PTPRT: variants seen among roughly 807,000 people sequenced by gnomAD.
PTPRT encodes the protein protein tyrosine phosphatase receptor type T.
PTPRT carries 56 observed loss-of-function variants against 176.8 expected under a neutral mutation model. The ratio of observed to expected loss-of-function variants is 0.32; its 90% CI spans 0.26 to 0.40. The LOEUF (loss-of-function observed/expected upper bound fraction) is 0.40, where lower values mean the gene tolerates loss of function less well. PTPRT is among the 10% of genes least tolerant of loss of function. The pLI, the probability that PTPRT is intolerant of heterozygous loss-of-function variation, is 1.00. For synonymous variants in PTPRT, 783 were observed against 739.0 expected, an observed-to-expected ratio of 1.06 and a Z score of -0.96; for missense variants, 1,540 against 1,908.2, an observed-to-expected ratio of 0.81 and a Z score of 3.60.
chr20:43,030,978 G>A (rs1422170187), intron 1 of PTPRT, among the ~76,000 whole-genome samples: 3 of 152,200 alleles, frequency 2.0e-5, no homozygotes, highest in African/African-American at 7.2e-5. Flanking sequence ...AGGAGTGAAG[G>A]ATGCAGGATG....
intron 1 of PTPRT, among the ~76,000 whole-genome samples, chr20:43,090,919 A>G (rs1180569981): frequency 6.6e-6 from 1 of 152,202 alleles, no homozygotes; most frequent in South Asian, 2.1e-4. Flanking sequence ...GCCGAACAGG[A>G]TAAATGAAAA....
Position 42,648,820 on chromosome 20 carries a change from G to GT in PTPRT, c.1153+29045dup, listed in dbSNP as rs68036487. Among the ~76,000 whole-genome samples the GT allele has an allele frequency of 6.8e-3, 755 of 111,834 alleles. 17 individuals are homozygous for GT. The highest frequency in any genetic ancestry group is 0.022 in the East Asian group (88 of 3,930). The allele number at this position is 111,834 out of a possible 152,430, so 73.4% of individuals were successfully genotyped here. The stretch of plus-strand genomic sequence containing the variant: ...GGGGATTTTTTTTTTTGGTGTCGTT[G>GT]TTTTTTTTTTTTTTTTTTGACAGAG... On this transcript the variant is annotated intron_variant, in intron 7 of 30. Transcript: ENST00000373187.
intron 1 of PTPRT, among the ~76,000 whole-genome samples, chr20:43,067,826 T>C (rs1401838831): frequency 1.4e-5 from 2 of 147,284 alleles, no homozygotes; most frequent in African/African-American, 2.5e-5. Flanking sequence ...AATAGCTGGG[T>C]ATGGTGGCAC....
At chr20:42,155,119 C>A (rs1989297459) in intron 17 of PTPRT, among the ~76,000 whole-genome samples, 1 of 152,150 alleles carries the variant, frequency 6.6e-6, no homozygotes, top group Non-Finnish European at 1.5e-5. Context: ...ATATCCCACC[C>A]CCAGTGATTC....
In PTPRT at chr20:42,624,877, C is replaced by T. The variant is rs7262694; in HGVS notation, c.1153+52989G>A. 3.9e-3 allele frequency among the ~76,000 whole-genome samples: 601 copies of T among 152,228 alleles called. 3 individuals are homozygous for T. Among genetic ancestry groups the T allele is most frequent in the South Asian group, 0.023 (113 of 4,824 alleles). ...AACAAGCGTAAAAAGTCAGGACTAG[C>T]ATATACGGTGAGGAACACCTTGGCC... On this transcript the variant is annotated intron_variant, in intron 7 of 30. Coordinates refer to ENST00000373187, the MANE Select transcript of PTPRT (RefSeq NM_007050.6).
chr20:42,672,760 C>T (rs2075435293), intron 7 of PTPRT, among the ~76,000 whole-genome samples: 1 of 152,136 alleles, frequency 6.6e-6, no homozygotes, highest in Non-Finnish European at 1.5e-5. Context: ...GATAGCCTTC[C>T]CTTAGTACCC....
At position 42,215,874 on chromosome 20, in the gene PTPRT, C is replaced by A. The variant is rs531315125; in HGVS notation, c.2343-16486G>T. Among the ~76,000 whole-genome samples the A allele has an allele frequency of 5.9e-5, 9 of 152,292 alleles. No individual in the cohort carries two copies. The East Asian group carries it at 1.5e-3, about 26-fold the overall frequency. ...GCAGCTCTTTAACAGACTGCAGCTC[C>A]CTATATAGGGCCATTCCTTGCTGAG... On this transcript the variant is annotated intron_variant, in intron 15 of 30. Transcript: ENST00000373187.
intron 7 of PTPRT, among the ~76,000 whole-genome samples, chr20:42,583,031 A>G (rs1437662873): frequency 2.0e-5 from 3 of 152,204 alleles, no homozygotes; most frequent in Non-Finnish European, 4.4e-5. Context: ...TCCAGGGCTC[A>G]GCACAGGGGC....
rs752284725 is a variant in PTPRT, at chr20:42,236,213, C to A, written c.2342+16G>T. 4 of 1,590,482 alleles carry A rather than the reference C, an allele frequency of 2.5e-6. No homozygotes were observed. The Admixed American group carries it at 6.7e-5, about 27-fold the overall frequency. On this transcript the variant is annotated intron_variant, in intron 15 of 30. Transcript: ENST00000373187. Reference sequence around the variant, plus strand: ...TACAGGGCACGAAGCAAAGTTAACACCAGCTCGATACTTACAAGTAATAGG... The same window carrying A: ...TACAGGGCACGAAGCAAAGTTAACAACAGCTCGATACTTACAAGTAATAGG...
At chr20:42,499,041 C>T (rs865894083) in intron 7 of PTPRT, among the ~76,000 whole-genome samples, 2 of 152,064 alleles carry the variant, frequency 1.3e-5, no homozygotes, top group African/African-American at 2.4e-5. Flanking sequence ...GCAAAATAAA[C>T]GTCTAAATTA....
intron 7 of PTPRT, among the ~76,000 whole-genome samples, chr20:42,640,404 A>T: frequency 6.7e-6 from 1 of 149,776 alleles, no homozygotes; most frequent in East Asian, 1.9e-4. Flanking sequence ...TAAAAAAAAA[A>T]AATTTTTTTG....
At chr20:42,190,283 A>C (rs900921663) in intron 16 of PTPRT, among the ~76,000 whole-genome samples, 1 of 152,192 alleles carries the variant, frequency 6.6e-6, no homozygotes, top group African/African-American at 2.4e-5. Flanking sequence ...TTTTCCTTGT[A>C]AATTTCCACT....
intron 7 of PTPRT, among the ~76,000 whole-genome samples, chr20:42,677,211 C>A (rs905281327): frequency 6.6e-6 from 1 of 151,954 alleles, no homozygotes; most frequent in African/African-American, 2.4e-5. Context: ...CCCTCGGAGA[C>A]AATTCTAGAA....
chr20:42,172,573 A>T lies in PTPRT; in HGVS notation c.2492-11031T>A, dbSNP rs181261221. Among the ~76,000 whole-genome samples, 38 of 152,320 alleles carry T rather than the reference A, an allele frequency of 2.5e-4. No homozygotes were observed. In the East Asian group the frequency reaches 7.1e-3, roughly 29 times the overall value. On this transcript the variant is annotated intron_variant, in intron 16 of 30. Transcript: ENST00000373187. The stretch of plus-strand genomic sequence containing the variant: ...TGAGATCATTACAGATTCACATGCA[A>T]TCGTAAGAAATAACATAAACGGGTC...
At chr20:42,399,049 G>A (rs764512929) in intron 9 of PTPRT, among the ~76,000 whole-genome samples, 1 of 152,210 alleles carries the variant, frequency 6.6e-6, no homozygotes, top group Non-Finnish European at 1.5e-5. Flanking sequence ...ACACTGGGAG[G>A]GCAAGAGCAA....
In PTPRT at chr20:42,757,347, G is replaced by A. The variant is rs940612943; in HGVS notation, c.685-711C>T. The stretch of plus-strand genomic sequence containing the variant: ...ACCCAGCCCATGGAGAATAAACACC[G>A]CCTGGCTCACAGGCCCTGTGGCTGG... On this transcript the variant is annotated intron_variant, in intron 5 of 30. Transcript: ENST00000373187. Among the ~76,000 whole-genome samples the A allele has an allele frequency of 7.9e-5, 12 of 152,120 alleles. 1 individual carries two copies. Among genetic ancestry groups the A allele is most frequent in the Non-Finnish European group, 1.8e-4 (12 of 68,020 alleles).
intron 7 of PTPRT, among the ~76,000 whole-genome samples, chr20:42,511,859 A>G (rs2071964354): frequency 6.6e-6 from 1 of 152,108 alleles, no homozygotes. Flanking sequence ...AATGACAGCA[A>G]AGCACTCCAT....
At chr20:42,315,691 G>A (rs548793850) in intron 12 of PTPRT, 32 bp downstream of exon 12, 2 of 1,599,166 alleles carry the variant, frequency 1.3e-6, no homozygotes, top group South Asian at 2.2e-5. Flanking sequence ...TGCAAACAAG[G>A]CAAGGAATGG....
chr20:42,962,006 C>T (rs1023984983), intron 1 of PTPRT, among the ~76,000 whole-genome samples: 17 of 152,212 alleles, frequency 1.1e-4, no homozygotes, highest in Non-Finnish European at 1.8e-4. Context: ...TCCCCTACAG[C>T]CTCCAGAAGG....
Sources: gnomAD v4.1 joint callset for allele counts (sites outside exome capture counted in the v4.1 genomes callset) on GRCh38, gnomAD v4.1.1 for gene constraint, MANE v1.5 for transcripts, NCBI Gene and HGNC (gene_info 2026-07-23, HGNC 2026-07-21) for gene names.